The following TRMT11 variants were observed in gnomAD, a reference collection of about 807,000 sequenced individuals.
TRMT11 encodes tRNA (guanine(10)-N(2))-methyltransferase TRMT11.
Under a neutral mutation model 62.8 loss-of-function variants are expected in TRMT11, and 53 were observed. The observed-to-expected ratio is 0.84, with a 90% CI of 0.68 to 1.06. TRMT11 has a LOEUF of 1.06. TRMT11 is among the 50% of genes least tolerant of loss of function. The pLI is 0.00. For synonymous variants in TRMT11, 188 were observed against 190.3 expected, an observed-to-expected ratio of 0.99 and a Z score of 0.10; for missense variants, 556 against 553.4, an observed-to-expected ratio of 1.00 and a Z score of -0.05.
chr6:126,155,226 T>G, intron 21 of TRMT11, among the ~76,000 whole-genome samples: 1 of 151,672 alleles, frequency 6.6e-6, no homozygotes, highest in Non-Finnish European at 1.5e-5. Flanking sequence ...AGAGCGGGAG[T>G]AAGACTGGCA....
chr6:126,054,061 A>C (rs1776296991), intron 17 of TRMT11, among the ~76,000 whole-genome samples: 1 of 152,242 alleles, frequency 6.6e-6, no homozygotes. Context: ...TAAAGGACTC[A>C]TACGCCCTGC....
chr6:126,162,585 G>T (rs912082832), intron 21 of TRMT11, among the ~76,000 whole-genome samples: 1 of 151,998 alleles, frequency 6.6e-6, no homozygotes, highest in Admixed American at 6.6e-5. Flanking sequence ...GAAGTTTTTT[G>T]TAATTCGGTG....
downstream of TRMT11, among the ~76,000 whole-genome samples, chr6:126,042,473 A>G (rs1775908289): frequency 6.6e-6 from 1 of 152,162 alleles, no homozygotes; most frequent in African/African-American, 2.4e-5. Flanking sequence ...TAATAGATGA[A>G]TGTTAAGATA....
At chr6:126,220,303 C>G in the TRMT11 span, among the ~76,000 whole-genome samples, 1 of 152,194 alleles carries the variant, frequency 6.6e-6, no homozygotes, top group Admixed American at 6.5e-5. Context: ...ATTATTTTCA[C>G]TTTAAAACTG....
chr6:126,105,779 A>G (rs1342591941), intron 17 of TRMT11, among the ~76,000 whole-genome samples: 1 of 152,136 alleles, frequency 6.6e-6, no homozygotes, highest in African/African-American at 2.4e-5. Context: ...GGAAAGCACA[A>G]CCATGTAAAA....
At chr6:126,076,779 A>G (rs764263337) in intron 17 of TRMT11, among the ~76,000 whole-genome samples, 3 of 152,188 alleles carry the variant, frequency 2.0e-5, no homozygotes, top group Non-Finnish European at 4.4e-5. Flanking sequence ...TAGTTCAACC[A>G]TTGAAGAGTT....
intron 12 of TRMT11, among the ~76,000 whole-genome samples, chr6:126,037,945 T>A (rs1583826942): frequency 6.6e-6 from 1 of 152,196 alleles, no homozygotes; most frequent in Non-Finnish European, 1.5e-5. Flanking sequence ...AATATGAATT[T>A]ATAGAAGCAC....
At chr6:126,169,445 T>A (rs976778073) in intron 21 of TRMT11, among the ~76,000 whole-genome samples, 6 of 152,240 alleles carry the variant, frequency 3.9e-5, no homozygotes, top group Admixed American at 6.5e-5. Flanking sequence ...GTGTTACCCA[T>A]GTCGAAAAGA....
the TRMT11 span, among the ~76,000 whole-genome samples, chr6:126,242,907 T>C: frequency 6.6e-6 from 1 of 152,122 alleles, no homozygotes; most frequent in Admixed American, 6.5e-5. Context: ...CCAAAAGCAA[T>C]GGCCACAAAA....
In TRMT11 at chr6:126,053,583, A is replaced by G. The variant is rs1252933692; in HGVS notation, c.*1437+393A>G. ...AAACTAGCTAATCCTATGCCTGCTT[A>G]TCCTGCCTTACCTGTTCCTTCCTCT... On this transcript the variant is annotated intron_variant and NMD_transcript_variant, in intron 17 of 22. Coordinates refer to the TRMT11 transcript ENST00000648977. 2.6e-5 allele frequency among the ~76,000 whole-genome samples: 4 copies of G among 152,094 alleles called. No homozygotes were observed. In the East Asian group the frequency reaches 5.8e-4, roughly 22 times the overall value.
intron 11 of TRMT11, among the ~76,000 whole-genome samples, chr6:126,015,610 A>AT (rs1463599492): frequency 2.6e-5 from 4 of 152,190 alleles, no homozygotes; most frequent in African/African-American, 9.7e-5. Context: ...AAACAAGAAC[A>AT]TTCCTATCTA....
At chr6:126,006,126 T>C (rs1447248124) in intron 7 of TRMT11, among the ~76,000 whole-genome samples, 3 of 152,032 alleles carry the variant, frequency 2.0e-5, no homozygotes, top group African/African-American at 7.2e-5. Context: ...CGCATTTTTT[T>C]CCCACTACCC....
intron 11 of TRMT11, 85 bp from the exon 12 acceptor site, chr6:126,021,075 A>G: frequency 6.8e-7 from 1 of 1,478,374 alleles, no homozygotes. Context: ...GTGGAAGAAC[A>G]TCCCACACTA....
intron 21 of TRMT11, among the ~76,000 whole-genome samples, chr6:126,148,353 G>C (rs894589560): frequency 2.6e-5 from 4 of 152,220 alleles, no homozygotes; most frequent in East Asian, 1.9e-4. Flanking sequence ...TTAATTAAAT[G>C]TAGGGGCAGT....
At chr6:126,160,703 C>G (rs1406542617) in intron 21 of TRMT11, among the ~76,000 whole-genome samples, 1 of 152,158 alleles carries the variant, frequency 6.6e-6, no homozygotes, top group African/African-American at 2.4e-5. Flanking sequence ...CCCTCACAGA[C>G]ATGACGAGAC....
chr6:126,262,563 T>G, the TRMT11 span, among the ~76,000 whole-genome samples: 1 of 152,174 alleles, frequency 6.6e-6, no homozygotes, highest in Non-Finnish European at 1.5e-5. Context: ...CTCTAGCAGT[T>G]AGCCATCCTT....
intron 21 of TRMT11, among the ~76,000 whole-genome samples, chr6:126,135,865 A>G (rs1777843834): frequency 1.3e-5 from 2 of 152,048 alleles, no homozygotes; most frequent in South Asian, 4.1e-4. Context: ...ACATTATGTC[A>G]ACAGAATCAA....
chr6:126,118,822 A>G (rs1777617171), intron 21 of TRMT11, among the ~76,000 whole-genome samples: 1 of 152,086 alleles, frequency 6.6e-6, no homozygotes, highest in South Asian at 2.1e-4. Context: ...TCAGAGGGAG[A>G]TCTCTTTATT....
At chr6:126,064,414 C>T (rs963176414) in intron 17 of TRMT11, among the ~76,000 whole-genome samples, 1 of 152,164 alleles carries the variant, frequency 6.6e-6, no homozygotes, top group Admixed American at 6.5e-5. Context: ...ATGTAATACA[C>T]AGCTGCTGGG....
Sources: allele counts gnomAD v4.1 joint callset (sites outside exome capture counted in the v4.1 genomes callset), GRCh38; gene constraint gnomAD v4.1.1; transcripts MANE v1.5; gene names NCBI Gene and HGNC (gene_info 2026-07-23, HGNC 2026-07-21).